The following PFAS variants were observed in gnomAD, a reference collection of about 807,000 sequenced individuals.
The protein encoded by PFAS is phosphoribosylformylglycinamidine synthase.
In PFAS, 97 loss-of-function variants were observed where a neutral mutation model predicts 140.6. The observed-to-expected ratio is 0.69, with a 90% CI of 0.59 to 0.82. The LOEUF is 0.82. Among genes scored for constraint, PFAS ranks in the 40% least tolerant of loss-of-function variants. PFAS has a pLI of 0.00. For missense variants in PFAS, 1,656 were observed against 1,780.2 expected, an observed-to-expected ratio of 0.93 and a Z score of 1.26; for synonymous variants, 679 against 718.8, an observed-to-expected ratio of 0.94 and a Z score of 0.88.
rs972641205 is a variant in PFAS, at chr17:8,267,914, T to C, written c.3382+249T>C. ...TTAAATATATATTATTTATATATAT[T>C]ATTTATATATTATTAAAATGTATAT... On this transcript the variant is annotated intron_variant, in intron 26 of 27. Coordinates refer to ENST00000314666, the MANE Select transcript of PFAS (RefSeq NM_012393.3). The surrounding 1 kb of genome is among the most constrained non-coding windows in gnomAD (Gnocchi z 4.9). Among the ~76,000 whole-genome samples, 2 of 145,494 alleles carry C rather than the reference T, an allele frequency of 1.4e-5. No homozygotes were observed. The highest frequency in any genetic ancestry group is 5.0e-5 in the African/African-American group (2 of 40,144).
chr17:8,252,425 CAG>C (rs1331896054), intron 1 of PFAS, among the ~76,000 whole-genome samples: 2 of 152,054 alleles, frequency 1.3e-5, no homozygotes, highest in Admixed American at 6.6e-5. Context: ...TGTTTTGAGA[CAG>C]AGTTTCACTC....
In PFAS at chr17:8,257,939, G is replaced by GTGAGGC; in HGVS notation, c.1207+4_1207+9dup. The GTGAGGC allele has an allele frequency of 6.2e-7, 1 of 1,614,180 alleles. No homozygotes were observed. Among genetic ancestry groups the GTGAGGC allele is most frequent in the South Asian group, 1.1e-5 (1 of 91,084 alleles). On this transcript the variant is annotated splice_donor_variant, in intron 10 of 27. Transcript: ENST00000314666. LOFTEE classifies it high-confidence loss of function. ...AAGTTTGGGGAACCAGTGCTGGCTG[G>GTGAGGC]TGAGGCTGGGGTGTGGAGGGATGAC...
upstream of PFAS, chr17:8,249,239 C>A (rs997233907): frequency 6.6e-6 from 1 of 151,826 alleles, no homozygotes; most frequent in Non-Finnish European, 1.5e-5. Flanking sequence ...GTAGTCGCCC[C>A]GGCGCTGGCA....
chr17:8,267,708 T>C lies in PFAS; in HGVS notation c.3382+43T>C, dbSNP rs1989876233. On this transcript the variant is annotated intron_variant, in intron 26 of 27. Coordinates refer to ENST00000314666, the MANE Select transcript of PFAS (RefSeq NM_012393.3). The surrounding 1 kb of genome is among the most constrained non-coding windows in gnomAD (Gnocchi z 4.9). ...TGCCCACTCCCTTCCCCCACATTCC[T>C]GAAGAGGTGCCTTTAGCCCCATCTT... 2.7e-6 allele frequency: 3 copies of C among 1,122,856 alleles called. No individual in the cohort carries two copies. Among genetic ancestry groups the C allele is most frequent in the South Asian group, 1.3e-5 (1 of 74,102 alleles). The allele number at this position is 1,122,856 out of a possible 1,614,324, so 69.6% of individuals were successfully genotyped here. A position where few individuals can be genotyped will look rare whatever the true frequency, so the allele number is the denominator to read the frequency against.
At position 8,265,123 on chromosome 17, in the gene PFAS, C is replaced by A; in HGVS notation, c.2278C>A (p.Arg760=). ...GGTGTTTGCTCTGGTCACTGACCTCCGGGTGAGTTCTCCCACAGCTTCTAT... is the reference window on the plus strand; with the variant it reads ...GGTGTTTGCTCTGGTCACTGACCTCAGGGTGAGTTCTCCCACAGCTTCTAT... ...NLVFALVTDL[R]DVKCSGNWMW... The change falls in exon 18 of 28, where the codon CGG becomes AGG. Residue 760 remains arginine (R), a splice_region_variant and synonymous_variant. Transcript: ENST00000314666. 6.2e-7 allele frequency: 1 copy of A among 1,609,548 alleles called. No homozygotes were observed. Among genetic ancestry groups the A allele is most frequent in the Non-Finnish European group, 8.5e-7 (1 of 1,177,586 alleles).
chr17:8,252,719 G>A (rs1196373407), intron 1 of PFAS, among the ~76,000 whole-genome samples: 1 of 152,186 alleles, frequency 6.6e-6, no homozygotes, highest in Non-Finnish European at 1.5e-5. Flanking sequence ...CCAGGCTCAA[G>A]TGATCTTCCC....
At chr17:8,252,523 C>T in intron 1 of PFAS, among the ~76,000 whole-genome samples, 1 of 151,476 alleles carries the variant, frequency 6.6e-6, no homozygotes, top group Non-Finnish European at 1.5e-5. Context: ...CCTGCCTCAG[C>T]CTCTCAATTA....
Position 8,267,366 on chromosome 17 carries a change from C to T in PFAS, c.3176-6C>T. ...TCTGGCCCAAAGACACTTATTCTCC[C>T]CCAAGGTGGTCCCAGCCCCCGAGTC... is the stretch of plus-strand genomic sequence containing the variant. On this transcript the variant is annotated splice_polypyrimidine_tract_variant and splice_region_variant and intron_variant, in intron 24 of 27. Coordinates refer to ENST00000314666, the MANE Select transcript of PFAS (RefSeq NM_012393.3). This position sits in a 1 kb window ranked among gnomAD's most constrained non-coding sequence, Gnocchi z 4.9. 2 of 1,613,496 alleles carry T rather than the reference C, an allele frequency of 1.2e-6. No homozygotes were observed. The highest frequency in any genetic ancestry group is 1.7e-6 in the Non-Finnish European group (2 of 1,179,616).
rs754400570 is a variant in PFAS, at chr17:8,257,777, T to G, written c.1076-30T>G. On this transcript the variant is annotated intron_variant, in intron 9 of 27. Coordinates refer to ENST00000314666, the MANE Select transcript of PFAS (RefSeq NM_012393.3). Reference sequence around the variant, plus strand: ...CGGCCTGTCTTCACAGTTCATTCAGTTCATCCAGTTCTCTCTCCTTCCCTC... The same window carrying G: ...CGGCCTGTCTTCACAGTTCATTCAGGTCATCCAGTTCTCTCTCCTTCCCTC... 32 of 1,612,546 alleles carry G rather than the reference T, an allele frequency of 2.0e-5. No homozygotes were observed. The Middle Eastern group carries it at 4.9e-4, about 25-fold the overall frequency.
At chr17:8,257,987 G>A (rs747162526) in intron 10 of PFAS, 49 bp downstream of exon 10, 13 of 1,612,168 alleles carry the variant, frequency 8.1e-6, no homozygotes, top group Non-Finnish European at 7.6e-6. Context: ...GGGCTTGTGG[G>A]TGGGGTGTGC....
At chr17:8,258,947 C>T (rs186119554) in intron 11 of PFAS, among the ~76,000 whole-genome samples, 2 of 150,024 alleles carry the variant, frequency 1.3e-5, no homozygotes, top group African/African-American at 4.9e-5. Flanking sequence ...GATCCCACCA[C>T]TGCACTCCAG....
chr17:8,264,104 G>T, intron 15 of PFAS, 108 bp from the exon 16 acceptor site: 2 of 1,526,736 alleles, frequency 1.3e-6, no homozygotes, highest in Non-Finnish European at 1.8e-6. Context: ...ACTCAATATG[G>T]AAACCAAACA....
Position 8,264,422 on chromosome 17 carries a change from C to T in PFAS, c.1918-48C>T, listed in dbSNP as rs370133435. On this transcript the variant is annotated intron_variant, in intron 16 of 27. Coordinates refer to ENST00000314666, the MANE Select transcript of PFAS (RefSeq NM_012393.3). ...TACGTGCACTTTGTCGCCTGTGTGC[C>T]CAGCCCGCCCCAGGTGTTCACACTG... 1.0e-4 allele frequency: 167 copies of T among 1,612,154 alleles called. 1 individual carries two copies. In the South Asian group the frequency reaches 1.1e-3, roughly 11 times the overall value.
At chr17:8,247,750 T>A (rs1433128915), upstream of PFAS, 1 of 504,106 alleles carries the variant, frequency 2.0e-6, no homozygotes, top group Non-Finnish European at 3.6e-6. Flanking sequence ...AACCTGCTCC[T>A]GGTTTCCCAC....
chr17:8,266,368 G>T lies in PFAS; in HGVS notation c.2821+15G>T. 6.2e-7 allele frequency: 1 copy of T among 1,613,888 alleles called. No homozygotes were observed. The stretch of plus-strand genomic sequence containing the variant: ...CAGGGTTGATGGTAAGGAACCTGGG[G>T]TCTAGTCTCAGGCCCGGGCTGCCTT... On this transcript the variant is annotated intron_variant, in intron 22 of 27. Transcript: ENST00000314666. This position sits in a 1 kb window ranked among gnomAD's most constrained non-coding sequence, Gnocchi z 5.0.
intron 11 of PFAS, among the ~76,000 whole-genome samples, chr17:8,261,693 C>T (rs1449581355): frequency 1.3e-5 from 2 of 152,050 alleles, no homozygotes. Context: ...TCACTGCAAC[C>T]TCCATCTTCC....
intron 3 of PFAS, 114 bp downstream of exon 3, chr17:8,254,415 A>C: frequency 2.4e-6 from 3 of 1,237,874 alleles, no homozygotes; most frequent in Non-Finnish European, 3.5e-6. Flanking sequence ...AGGAAACCAC[A>C]CATGTGCTTT....
At chr17:8,258,015 ATT>A (rs1341010942) in intron 10 of PFAS, 54 bp from the exon 11 acceptor site, 8 of 1,612,862 alleles carry the variant, frequency 5.0e-6, no homozygotes, top group Non-Finnish European at 6.8e-6. Context: ...GGGCTGTGCT[ATT>A]GGGCGAGCAC....
At chr17:8,248,086 G>A (rs1384286496), upstream of PFAS, 2 of 1,300,208 alleles carry the variant, frequency 1.5e-6, no homozygotes, top group East Asian at 2.5e-5. Flanking sequence ...GCTTGGGGGT[G>A]GGGATGGGGG....
Sources: allele counts gnomAD v4.1 joint callset (sites outside exome capture counted in the v4.1 genomes callset), GRCh38; gene constraint gnomAD v4.1.1; non-coding constraint Gnocchi (gnomAD v3.1); transcripts MANE v1.5; gene names NCBI Gene and HGNC (gene_info 2026-07-23, HGNC 2026-07-21).